The following CCND2 variants were observed in gnomAD, a reference collection of about 807,000 sequenced individuals.
The protein encoded by CCND2 is G1/S-specific cyclin-D2.
In CCND2, 6 loss-of-function variants were observed where a neutral mutation model predicts 30.2. That is an observed-to-expected ratio of 0.20 (90% CI 0.11 to 0.39). The LOEUF is 0.39. Among genes scored for constraint, CCND2 ranks in the 10% least tolerant of loss-of-function variants. The pLI is 1.00. For synonymous variants in CCND2, 150 were observed against 153.1 expected, an observed-to-expected ratio of 0.98 and a Z score of 0.15; for missense variants, 235 against 373.4, an observed-to-expected ratio of 0.63 and a Z score of 3.06.
chr12:4,280,971 T>A (rs1398315551), intron 3 of CCND2, among the ~76,000 whole-genome samples: 2 of 152,200 alleles, frequency 1.3e-5, no homozygotes, highest in African/African-American at 4.8e-5. Context: ...CTTGCCCAGA[T>A]CTTTGGGCTG....
At position 4,301,471 on chromosome 12, in the gene CCND2, A is replaced by AAT; in HGVS notation, c.*1462_*1463insAT. ...AGTTAGCAAAGAGGTTGGAGCAACA[A>AAT]CTTTTTTTTTTTTTTTTGCACAATT... On this transcript the variant is annotated 3_prime_UTR_variant, in exon 5 of 5. Coordinates refer to ENST00000261254, the MANE Select transcript of CCND2 (RefSeq NM_001759.4). The AAT allele has an allele frequency of 4.4e-6, 1 of 229,868 alleles. No homozygotes were observed. Among genetic ancestry groups the AAT allele is most frequent in the Non-Finnish European group, 8.5e-6 (1 of 117,030 alleles). The allele number at this position is 229,868 out of a possible 1,614,324, so 14.2% of individuals were successfully genotyped here.
intron 2 of CCND2, among the ~76,000 whole-genome samples, chr12:4,277,193 T>C (rs1421384741): frequency 6.6e-6 from 1 of 152,206 alleles, no homozygotes; most frequent in Non-Finnish European, 1.5e-5. Context: ...GACTTCACCT[T>C]TGAACCGCTG....
intron 4 of CCND2, among the ~76,000 whole-genome samples, chr12:4,295,776 AAAAAC>A (rs1476495279): frequency 6.6e-6 from 1 of 152,254 alleles, no homozygotes; most frequent in Non-Finnish European, 1.5e-5. Context: ...CTCCGTCTCA[AAAAAC>A]AAAACAAAAG....
chr12:4,278,346 C>T (rs374268324), intron 2 of CCND2, among the ~76,000 whole-genome samples: 35 of 152,034 alleles, frequency 2.3e-4, no homozygotes, highest in African/African-American at 6.3e-4. Flanking sequence ...ACTATTAATT[C>T]GGTGATAGAG....
chr12:4,297,812 A>G (rs1185451197), intron 4 of CCND2: 6 of 450,612 alleles, frequency 1.3e-5, no homozygotes, highest in Admixed American at 9.5e-5. Flanking sequence ...TGCCACAGGA[A>G]CGTCTGAGAG....
chr12:4,294,539 T>C (rs552119784), intron 4 of CCND2, among the ~76,000 whole-genome samples: 1 of 152,202 alleles, frequency 6.6e-6, no homozygotes, highest in African/African-American at 2.4e-5. Context: ...TTCCAGCCAC[T>C]TGGGCTCTGT....
rs114807534 is a variant in CCND2 at position 4,300,757 on chromosome 12, A to G, written c.*748A>G. The G allele has an allele frequency of 1.3e-4, 31 of 233,748 alleles. No individual in the cohort carries two copies. The highest frequency in any genetic ancestry group is 6.6e-4 in the African/African-American group (30 of 45,468). 14.5% of individuals were successfully genotyped at this position (233,748 alleles called of 1,614,324 possible). A position where few individuals can be genotyped will look rare whatever the true frequency, so the allele number is the denominator to read the frequency against. The stretch of plus-strand genomic sequence containing the variant: ...TCATTGCAGACACCACCATATTGCT[A>G]TCTAATGGGGAAATGTAGCTATGGG... On this transcript the variant is annotated 3_prime_UTR_variant, in exon 5 of 5. Coordinates refer to ENST00000261254, the MANE Select transcript of CCND2 (RefSeq NM_001759.4).
Position 4,303,500 on chromosome 12 carries a change from C to T in CCND2, c.*3491C>T, listed in dbSNP as rs958320716. ...TTTCTACCTTGTTGTGTTTCTATCT[C>T]GTCTTTACTTCCATCTGTTTGTTTT... On this transcript the variant is annotated 3_prime_UTR_variant, in exon 5 of 5. Transcript: ENST00000261254. The surrounding 1 kb of genome is among the most constrained non-coding windows in gnomAD (Gnocchi z 4.6). 8.6e-6 allele frequency: 2 copies of T among 233,566 alleles called. No individual in the cohort carries two copies. Among genetic ancestry groups the T allele is most frequent in the African/African-American group, 2.2e-5 (1 of 45,326 alleles). The allele number at this position is 233,566 out of a possible 1,614,324, so 14.5% of individuals were successfully genotyped here.
intron 3 of CCND2, among the ~76,000 whole-genome samples, chr12:4,284,019 C>T (rs1306798127): frequency 6.6e-6 from 1 of 152,178 alleles, no homozygotes; most frequent in Non-Finnish European, 1.5e-5. Context: ...TCCTGGCCTG[C>T]TTGGCCTGCT....
intron 4 of CCND2, among the ~76,000 whole-genome samples, chr12:4,295,318 G>C (rs1864153600): frequency 6.6e-6 from 1 of 152,214 alleles, no homozygotes. Flanking sequence ...TCGTGGAAGT[G>C]GAACCTGAAG....
In CCND2 at chr12:4,297,895, T is replaced by C. The variant is rs80021471; in HGVS notation, c.721-1965T>C. Reference sequence around the variant, plus strand: ...TTCAGGGTGGCACGGAGACTCCTGCTGCTGCGTCACGTCTGTCATGTTCAG... The same window carrying C: ...TTCAGGGTGGCACGGAGACTCCTGCCGCTGCGTCACGTCTGTCATGTTCAG... On this transcript the variant is annotated intron_variant, in intron 4 of 4. Transcript: ENST00000261254. 4.6e-3 allele frequency: 2,022 copies of C among 443,764 alleles called. 96 individuals are homozygous for C. In the East Asian group the frequency reaches 0.11, roughly 24 times the overall value. The allele number at this position is 443,764 out of a possible 1,614,324, so 27.5% of individuals were successfully genotyped here. A position where few individuals can be genotyped will look rare whatever the true frequency, so the allele number is the denominator to read the frequency against.
intron 3 of CCND2, among the ~76,000 whole-genome samples, chr12:4,280,812 T>C (rs1863938284): frequency 6.6e-6 from 1 of 152,196 alleles, no homozygotes; most frequent in Non-Finnish European, 1.5e-5. Flanking sequence ...GACTAACAGA[T>C]CTTTTGGGGT....
intron 3 of CCND2, among the ~76,000 whole-genome samples, chr12:4,279,394 CTTT>C (rs79476081): frequency 3.6e-4 from 50 of 140,470 alleles, no homozygotes; most frequent in Non-Finnish European, 2.7e-4. Flanking sequence ...CAAAGAAATT[CTTT>C]TTTTTTTTTT....
In CCND2 at chr12:4,288,894, A is replaced by G; in HGVS notation, c.624A>G (p.Gly208=). 6.2e-7 allele frequency: 1 copy of G among 1,613,816 alleles called. No homozygotes were observed. The highest frequency in any genetic ancestry group is 8.5e-7 in the Non-Finnish European group (1 of 1,179,944). Residue 208 remains glycine (G), a synonymous_variant, in exon 4 of 5, where the codon GGA becomes GGG. Transcript: ENST00000261254. ...CGATGATCGCAACTGGAAGTGTGGG[A>G]GCAGCCATCTGTGGGCTCCAGCAGG... ...PPSMIATGSV[G]AAICGLQQDE... is the part of the protein sequence containing the mutation.
rs1168482687 is a variant in CCND2 at position 4,303,243 on chromosome 12, T to C, written c.*3234T>C. The C allele has an allele frequency of 4.3e-6, 1 of 233,208 alleles. No homozygotes were observed. The highest frequency in any genetic ancestry group is 8.5e-6 in the Non-Finnish European group (1 of 118,118). The allele number at this position is 233,208 out of a possible 1,614,324, so 14.4% of individuals were successfully genotyped here. A position where few individuals can be genotyped will look rare whatever the true frequency, so the allele number is the denominator to read the frequency against. On this transcript the variant is annotated 3_prime_UTR_variant, in exon 5 of 5. Coordinates refer to ENST00000261254, the MANE Select transcript of CCND2 (RefSeq NM_001759.4). This position sits in a 1 kb window ranked among gnomAD's most constrained non-coding sequence, Gnocchi z 4.6. Reference sequence around the variant, plus strand: ...TTGGGGCCTTGTGTGATGATGGGTGTGGGGCTGCCGATGGGAAAGTCGGGG... The same window carrying C: ...TTGGGGCCTTGTGTGATGATGGGTGCGGGGCTGCCGATGGGAAAGTCGGGG...
In CCND2 at chr12:4,287,585, G is replaced by A. The variant is rs115297385; in HGVS notation, c.572-1257G>A. ...ACTCCAGGACCGTCACTAGCGTGAT[G>A]GCTGCAACTATACCCACCCTAATAT... On this transcript the variant is annotated intron_variant, in intron 3 of 4. Transcript: ENST00000261254. The surrounding 1 kb of genome is among the most constrained non-coding windows in gnomAD (Gnocchi z 4.0). Among the ~76,000 whole-genome samples the A allele has an allele frequency of 1.3e-3, 198 of 152,318 alleles. No homozygotes were observed. The highest frequency in any genetic ancestry group is 4.7e-3 in the African/African-American group (196 of 41,562).
In CCND2 at chr12:4,288,838, G is replaced by T. The variant is rs567626308; in HGVS notation, c.572-4G>T. On this transcript the variant is annotated splice_polypyrimidine_tract_variant and splice_region_variant and intron_variant, in intron 3 of 4. Transcript: ENST00000261254. ...CCTGACCTTCTGCCTCTCATTCCTTGCAGACTTTAAGTTTGCCATGTACCC... is the reference window on the plus strand; with the variant it reads ...CCTGACCTTCTGCCTCTCATTCCTTTCAGACTTTAAGTTTGCCATGTACCC... 3.3e-5 allele frequency: 53 copies of T among 1,608,180 alleles called. No individual in the cohort carries two copies. In the South Asian group the frequency reaches 5.9e-4, roughly 18 times the overall value.
intron 4 of CCND2, among the ~76,000 whole-genome samples, chr12:4,294,512 G>A (rs1864141383): frequency 6.6e-6 from 1 of 152,212 alleles, no homozygotes; most frequent in Non-Finnish European, 1.5e-5. Flanking sequence ...CTTTTGATTA[G>A]AGGCGCTTTC....
Position 4,276,016 on chromosome 12 carries a change from A to G in CCND2, c.207A>G (p.Glu69=). Residue 69 remains glutamate (E), a synonymous_variant, in exon 2 of 5, where the codon GAA becomes GAG. Coordinates refer to ENST00000261254, the MANE Select transcript of CCND2 (RefSeq NM_001759.4). This position sits in a 1 kb window ranked among gnomAD's most constrained non-coding sequence, Gnocchi z 4.8. ...CACTCCCATTATAGGTCTGTGAGGA[A>G]CAGAAGTGCGAAGAAGAGGTCTTCC... is the stretch of plus-strand genomic sequence containing the variant. ...VATWMLEVCE[E]QKCEEEVFPL... 2.5e-6 allele frequency: 4 copies of G among 1,609,938 alleles called. No homozygotes were observed. Among genetic ancestry groups the G allele is most frequent in the Non-Finnish European group, 3.4e-6 (4 of 1,177,666 alleles).
Sources: allele counts gnomAD v4.1 joint callset (sites outside exome capture counted in the v4.1 genomes callset), GRCh38; gene constraint gnomAD v4.1.1; non-coding constraint Gnocchi (gnomAD v3.1); transcripts MANE v1.5; gene names NCBI Gene and HGNC (gene_info 2026-07-23, HGNC 2026-07-21).